The following ACTN2 variants were observed in gnomAD, a reference collection of about 807,000 sequenced individuals.
ACTN2 encodes the protein actinin alpha 2, also known as alpha-actinin-2.
ACTN2 carries 39 observed loss-of-function variants against 113.8 expected under a neutral mutation model. The observed-to-expected ratio is 0.34, with a 90% CI of 0.27 to 0.45. The LOEUF is 0.45. Among genes scored for constraint, ACTN2 ranks in the 20% least tolerant of loss-of-function variants. The pLI, the probability that ACTN2 is intolerant of heterozygous loss-of-function variation, is 1.00. For synonymous variants in ACTN2, 429 were observed against 444.1 expected, an observed-to-expected ratio of 0.97 and a Z score of 0.43; for missense variants, 992 against 1,177.9, an observed-to-expected ratio of 0.84 and a Z score of 2.31.
intron 1 of ACTN2, among the ~76,000 whole-genome samples, chr1:236,703,651 T>G (rs1301902257): frequency 6.6e-6 from 1 of 151,362 alleles, no homozygotes; most frequent in Non-Finnish European, 1.5e-5. Flanking sequence ...TTAGGAGAGA[T>G]AATGCTCTAT....
chr1:236,757,387 G>A (rs1042352645), intron 17 of ACTN2, 99 bp from the exon 18 acceptor site: 11 of 1,479,686 alleles, frequency 7.4e-6, no homozygotes, highest in African/African-American at 6.9e-5. Flanking sequence ...GCCCTGCTTA[G>A]TAAGCCCTTT....
intron 1 of ACTN2, among the ~76,000 whole-genome samples, chr1:236,715,196 G>C (rs1418885538): frequency 6.8e-6 from 1 of 146,184 alleles, no homozygotes; most frequent in Non-Finnish European, 1.5e-5. Flanking sequence ...TAGGGTACAT[G>C]TGCACAACGT....
At chr1:236,735,860 A>T in intron 8 of ACTN2, 140 bp downstream of exon 8, 1 of 825,138 alleles carries the variant, frequency 1.2e-6, no homozygotes. Flanking sequence ...CTCATATGGC[A>T]AGTTCTAAAC....
At chr1:236,694,215 C>T (rs867576730) in intron 1 of ACTN2, among the ~76,000 whole-genome samples, 14 of 145,898 alleles carry the variant, frequency 9.6e-5, no homozygotes, top group Middle Eastern at 3.6e-3. Flanking sequence ...TTTTTTTTTT[C>T]TTTTCTTTTT....
chr1:236,691,050 G>T (rs1666065179), intron 1 of ACTN2, among the ~76,000 whole-genome samples: 3 of 149,662 alleles, frequency 2.0e-5, no homozygotes, highest in African/African-American at 7.4e-5. Flanking sequence ...CAATTCTCCT[G>T]CCTCAGCCTT....
intron 6 of ACTN2, among the ~76,000 whole-genome samples, chr1:236,729,222 G>A (rs1658647956): frequency 6.6e-6 from 1 of 152,082 alleles, no homozygotes; most frequent in Non-Finnish European, 1.5e-5. Context: ...CTACTCAGGA[G>A]GCAAGGCAGG....
chr1:236,689,662 A>G (rs1666010110), intron 1 of ACTN2, among the ~76,000 whole-genome samples: 4 of 152,176 alleles, frequency 2.6e-5, no homozygotes, highest in Admixed American at 2.6e-4. Context: ...CCCAGATACA[A>G]TATTTTAAGA....
chr1:236,690,808 G>GCA (rs1358228025), intron 1 of ACTN2, among the ~76,000 whole-genome samples: 1 of 152,064 alleles, frequency 6.6e-6, no homozygotes, highest in Non-Finnish European at 1.5e-5. Flanking sequence ...CAATTCAGTG[G>GCA]TGGTACGTCT....
At position 236,755,111 on chromosome 1, in the gene ACTN2, GAAC is replaced by G. The variant is rs757747164; in HGVS notation, c.2072_2074del (p.Asn691del). 2.8e-5 allele frequency: 45 copies of G among 1,614,066 alleles called. 1 individual carries two copies. The highest frequency in any genetic ancestry group is 9.9e-5 in the South Asian group (9 of 91,088). On this transcript the variant is annotated inframe_deletion, in exon 17 of 21. Transcript: ENST00000366578. ...ATGAGCACAACATCATCAACTATAA[GAAC>G]AACATCGACAAGCTGGAGGGAGACC...
chr1:236,724,015 A>G (rs928829235), intron 4 of ACTN2, among the ~76,000 whole-genome samples: 4 of 152,212 alleles, frequency 2.6e-5, no homozygotes, highest in African/African-American at 9.7e-5. Flanking sequence ...TAGTCTTTCC[A>G]GGCCTTTATA....
At position 236,761,153 on chromosome 1, in the gene ACTN2, C is replaced by G; in HGVS notation, c.2506C>G (p.Arg836Gly). The change falls in exon 20 of 21, where the codon CGG becomes GGG. Residue 836 changes from arginine to glycine, a missense_variant. Physicochemically the swap from Arg to Gly is moderately radical, Grantham distance 125. This residue lies in a region of ACTN2 where 736 missense variants were observed against 815.4 expected (regional missense o/e 0.90). Transcript: ENST00000366578. ...TGCCGAGCAGGTCATCGCCTCCTTC[C>G]GGATCCTGGCTTCTGATAAGGTCTG... ...DTAEQVIASF[R>G]ILASDKPYIL... is the part of the protein sequence containing the mutation. 2 of 1,614,128 alleles carry G rather than the reference C, an allele frequency of 1.2e-6. No individual in the cohort carries two copies. Among genetic ancestry groups the G allele is most frequent in the East Asian group, 2.2e-5 (1 of 44,870 alleles).
In ACTN2 at chr1:236,690,810, G is replaced by A. The variant is rs531886356; in HGVS notation, c.126+4011G>A. Reference sequence around the variant, plus strand: ...AATCATAAGTGTACAATTCAGTGGTGGTACGTCTATTCACATTGTTGTACA... The same window carrying A: ...AATCATAAGTGTACAATTCAGTGGTAGTACGTCTATTCACATTGTTGTACA... On this transcript the variant is annotated intron_variant, in intron 1 of 20. Transcript: ENST00000366578. 5.3e-5 allele frequency among the ~76,000 whole-genome samples: 8 copies of A among 151,998 alleles called. No homozygotes were observed. The East Asian group carries it at 1.4e-3, about 26-fold the overall frequency.
chr1:236,695,922 A>G (rs1365875377), intron 1 of ACTN2, among the ~76,000 whole-genome samples: 1 of 152,264 alleles, frequency 6.6e-6, no homozygotes, highest in Admixed American at 6.5e-5. Flanking sequence ...AGTATCCATT[A>G]CAACCTTTTC....
chr1:236,695,563 T>TCACCCCCCC (rs1657467279), intron 1 of ACTN2, among the ~76,000 whole-genome samples: 1 of 100,796 alleles, frequency 9.9e-6, no homozygotes, highest in Non-Finnish European at 1.9e-5. Flanking sequence ...TGAAATGAGT[T>TCACCCCCCC]CCCCCCCCCT....
intron 1 of ACTN2, among the ~76,000 whole-genome samples, chr1:236,716,138 C>T (rs952315640): frequency 3.0e-4 from 44 of 147,196 alleles, no homozygotes; most frequent in African/African-American, 1.1e-3. Context: ...TAAATGCTGT[C>T]ACCTCCTTCT....
intron 12 of ACTN2, among the ~76,000 whole-genome samples, chr1:236,746,185 A>G (rs939677793): frequency 4.1e-5 from 6 of 147,464 alleles, no homozygotes; most frequent in Non-Finnish European, 7.5e-5. Context: ...AAAAAAAAAG[A>G]AAGAAAAAAA....
chr1:236,737,145 A>G lies in ACTN2; in HGVS notation c.807A>G (p.Ile269Met). 6.2e-7 allele frequency: 1 copy of G among 1,605,350 alleles called. No individual in the cohort carries two copies. The highest frequency in any genetic ancestry group is 8.5e-7 in the Non-Finnish European group (1 of 1,174,582). The change falls in exon 9 of 21, where the codon ATA (isoleucine) becomes ATG (methionine). Residue 269 changes from isoleucine to methionine, a missense_variant. By Grantham distance (10) the Ile-to-Met change is conservative (BLOSUM62 1). This residue lies in a region of ACTN2 where 220 missense variants were observed against 337.5 expected (regional missense o/e 0.65). Transcript: ENST00000366578. Reference protein sequence around the residue: ...AEQAETAANRICKVLAVNQEN... With the variant: ...AEQAETAANRMCKVLAVNQEN... Reference sequence around the variant, plus strand: ...AGGCCGAGACAGCGGCTAACAGGATATGTAAGGTTCTTGCTGTGAATCAAG... The same window carrying G: ...AGGCCGAGACAGCGGCTAACAGGATGTGTAAGGTTCTTGCTGTGAATCAAG...
intron 6 of ACTN2, among the ~76,000 whole-genome samples, chr1:236,730,707 T>G (rs1003150532): frequency 2.0e-5 from 3 of 152,178 alleles, no homozygotes; most frequent in African/African-American, 7.2e-5. Flanking sequence ...CACTTAATGA[T>G]TTTCAGGTTT....
chr1:236,746,036 G>T (rs1659225090), intron 12 of ACTN2, among the ~76,000 whole-genome samples: 1 of 151,516 alleles, frequency 6.6e-6, no homozygotes, highest in Admixed American at 6.6e-5. Context: ...CATGGTGGCG[G>T]GCACCTGTAG....
Sources: gnomAD v4.1 joint callset for allele counts (sites outside exome capture counted in the v4.1 genomes callset) on GRCh38, gnomAD v4.1.1 for gene constraint, gnomAD v4.1.1 regional missense constraint, MANE v1.5 for transcripts, NCBI Gene and HGNC (gene_info 2026-07-23, HGNC 2026-07-21) for gene names.